The following FBXO21 variants were observed in gnomAD, a reference collection of about 807,000 sequenced individuals.
The protein encoded by FBXO21 is F-box protein 21.
In FBXO21, 32 loss-of-function variants were observed where a neutral mutation model predicts 76.6. The observed-to-expected ratio is 0.42, with a 90% CI of 0.32 to 0.56. The LOEUF (loss-of-function observed/expected upper bound fraction) is 0.56. Ranked by LOEUF, FBXO21 falls within the 20% of genes least tolerant of loss-of-function variation. The probability of loss-of-function intolerance (pLI) is 0.16; values close to 1 mark genes in which losing one functional copy is unlikely to be tolerated. For missense variants in FBXO21, 586 were observed against 797.3 expected, an observed-to-expected ratio of 0.73 and a Z score of 3.19; for synonymous variants, 328 against 311.5, an observed-to-expected ratio of 1.05 and a Z score of -0.56.
intron 2 of FBXO21, among the ~76,000 whole-genome samples, chr12:117,188,329 G>A (rs767669176): frequency 5.9e-5 from 9 of 152,180 alleles, no homozygotes; most frequent in Non-Finnish European, 1.3e-4. Flanking sequence ...CGGATCACTT[G>A]AGACCAGGTG....
Position 117,177,646 on chromosome 12 carries a change from A to G in FBXO21, c.471-5T>C. 1 of 1,611,850 alleles carries G rather than the reference A, an allele frequency of 6.2e-7. No individual in the cohort carries two copies. The highest frequency in any genetic ancestry group is 1.1e-5 in the South Asian group (1 of 90,658). On this transcript the variant is annotated splice_polypyrimidine_tract_variant and splice_region_variant and intron_variant, in intron 3 of 11. Transcript: ENST00000622495. The stretch of plus-strand genomic sequence containing the variant: ...TATTTCCAGGTCAAAGCTTTTCTGG[A>G]AACAAAAAGTCAGTAAGAATTAAGA...
chr12:117,177,669 A>C (rs1182451232), intron 3 of FBXO21, 28 bp from the exon 4 acceptor site: 1 of 1,605,118 alleles, frequency 6.2e-7, no homozygotes, highest in Non-Finnish European at 8.5e-7. Flanking sequence ...GTAAGAATTA[A>C]GATTTGAAAA....
intron 10 of FBXO21, among the ~76,000 whole-genome samples, chr12:117,156,491 T>C (rs1955916975): frequency 6.6e-6 from 1 of 152,168 alleles, no homozygotes; most frequent in Non-Finnish European, 1.5e-5. Flanking sequence ...TTTCTAGATG[T>C]GATAATAAGA....
intron 9 of FBXO21, 74 bp from the exon 10 acceptor site, chr12:117,158,137 A>G: frequency 3.9e-6 from 6 of 1,546,684 alleles, no homozygotes; most frequent in Non-Finnish European, 5.3e-6. Flanking sequence ...CGAGGGATTT[A>G]GACCTACCTA....
At chr12:117,162,315 G>C (rs1277240376) in intron 9 of FBXO21, among the ~76,000 whole-genome samples, 1 of 152,212 alleles carries the variant, frequency 6.6e-6, no homozygotes, top group Admixed American at 6.5e-5. Context: ...TCTGGCCTTG[G>C]CCCACTGTAC....
At position 117,190,410 on chromosome 12, in the gene FBXO21, A is replaced by G. The variant is rs1187063621; in HGVS notation, c.47T>C (p.Leu16Pro). The G allele has an allele frequency of 1.3e-6, 2 of 1,486,616 alleles. No individual in the cohort carries two copies. Among genetic ancestry groups the G allele is most frequent in the Middle Eastern group, 1.8e-4 (1 of 5,586 alleles). The allele number at this position is 1,486,616 out of a possible 1,614,324, so 92.1% of individuals were successfully genotyped here. A position where few individuals can be genotyped will look rare whatever the true frequency, so the allele number is the denominator to read the frequency against. ...VDSAMEVVPA[L>P]AEEAAPEVAG... ...TACCTCCGGCGCGGCCTCCTCCGCC[A>G]GCGCCGGCACCACCTCCATCGCGCT... The change falls in exon 1 of 12, where the codon CTG becomes CCG. Residue 16 changes from leucine (L) to proline (P), a missense_variant. By Grantham distance (98) the Leu-to-Pro change is moderately conservative (BLOSUM62 -3). Transcript: ENST00000622495.
chr12:117,183,689 G>A (rs113840312), intron 3 of FBXO21, among the ~76,000 whole-genome samples: 2 of 152,274 alleles, frequency 1.3e-5, no homozygotes, highest in African/African-American at 2.4e-5. Flanking sequence ...TACTGACTTC[G>A]TTCATGCTCT....
At chr12:117,152,572 A>G (rs1362728981) in intron 11 of FBXO21, among the ~76,000 whole-genome samples, 1 of 151,424 alleles carries the variant, frequency 6.6e-6, no homozygotes, top group Non-Finnish European at 1.5e-5. Context: ...CTTTAATAAG[A>G]GAGACTAAAG....
At chr12:117,173,789 A>G (rs1178824726) in intron 6 of FBXO21, among the ~76,000 whole-genome samples, 2 of 152,202 alleles carry the variant, frequency 1.3e-5, no homozygotes, top group African/African-American at 4.8e-5. Context: ...TCGAGCACTC[A>G]GAGATGGAAG....
rs1955759501 is a variant in FBXO21 at position 117,145,466 on chromosome 12, AAAGAT to A, written c.*616_*620del. The A allele has an allele frequency of 6.6e-6, 1 of 152,174 alleles. No individual in the cohort carries two copies. The highest frequency in any genetic ancestry group is 2.4e-5 in the African/African-American group (1 of 41,444). 9.4% of individuals were successfully genotyped at this position (152,174 alleles called of 1,614,324 possible). ...ATATTCCCATTTAAATTTAAAAAAAAAAGATAAAACACTTGAAATCTGTGTTTCAC... is the reference window on the plus strand; with the variant it reads ...ATATTCCCATTTAAATTTAAAAAAAAAAAACACTTGAAATCTGTGTTTCAC... On this transcript the variant is annotated 3_prime_UTR_variant, in exon 12 of 12. Transcript: ENST00000622495.
At position 117,190,367 on chromosome 12, in the gene FBXO21, G is replaced by C. The variant is rs749981737; in HGVS notation, c.90C>G (p.Leu30=). The C allele has an allele frequency of 2.6e-6, 4 of 1,522,146 alleles. No homozygotes were observed. The highest frequency in any genetic ancestry group is 2.6e-6 in the Non-Finnish European group (3 of 1,144,240). The allele number at this position is 1,522,146 out of a possible 1,614,324, so 94.3% of individuals were successfully genotyped here. A position where few individuals can be genotyped will look rare whatever the true frequency, so the allele number is the denominator to read the frequency against. Residue 30 remains leucine (L), a synonymous_variant, in exon 1 of 12, where the codon CTC becomes CTG. Coordinates refer to ENST00000622495, the MANE Select transcript of FBXO21 (RefSeq NM_015002.3). ...CCAGCACCTCACCCGGCAGGTTGACGAGGCAGCTGAGGCCCGCTACCTCCG... is the reference window on the plus strand; with the variant it reads ...CCAGCACCTCACCCGGCAGGTTGACCAGGCAGCTGAGGCCCGCTACCTCCG... The part of the protein sequence containing the change: ...AAPEVAGLSC[L]VNLPGEVLEY...
At position 117,177,676 on chromosome 12, in the gene FBXO21, A is replaced by C. The variant is rs778116088; in HGVS notation, c.471-35T>G. The stretch of plus-strand genomic sequence containing the variant: ...AAAAGTCAGTAAGAATTAAGATTTG[A>C]AAACTTTCAGTTATCTATTTTTCAC... On this transcript the variant is annotated intron_variant, in intron 3 of 11. Coordinates refer to ENST00000622495, the MANE Select transcript of FBXO21 (RefSeq NM_015002.3). 1.9e-6 allele frequency: 3 copies of C among 1,600,764 alleles called. No individual in the cohort carries two copies. The East Asian group carries it at 6.7e-5, about 36-fold the overall frequency.
chr12:117,163,738 T>A (rs1956013564), intron 9 of FBXO21, among the ~76,000 whole-genome samples: 1 of 148,928 alleles, frequency 6.7e-6, no homozygotes, highest in Non-Finnish European at 1.5e-5. Context: ...AGGTCAGGAG[T>A]TCGAGAACAG....
At chr12:117,180,791 A>G (rs1490304763) in intron 3 of FBXO21, among the ~76,000 whole-genome samples, 2 of 145,328 alleles carry the variant, frequency 1.4e-5, no homozygotes, top group Non-Finnish European at 3.0e-5. Flanking sequence ...CACCAAGCTA[A>G]TTTTTTTTTT....
chr12:117,153,443 G>A (rs1281882184), intron 11 of FBXO21, among the ~76,000 whole-genome samples: 1 of 152,214 alleles, frequency 6.6e-6, no homozygotes, highest in African/African-American at 2.4e-5. Context: ...ATGTTGGAGA[G>A]AAGACCCCTG....
rs1555239212 is a variant in FBXO21 at position 117,150,871 on chromosome 12, C to CTCTG, written c.1676-4595_1676-4594insCAGA. 5.5e-5 allele frequency among the ~76,000 whole-genome samples: 7 copies of CTCTG among 127,714 alleles called. No individual in the cohort carries two copies. In the East Asian group the frequency reaches 1.5e-3, roughly 27 times the overall value. The allele number at this position is 127,714 out of a possible 152,430, so 83.8% of individuals were successfully genotyped here. On this transcript the variant is annotated intron_variant, in intron 11 of 11. Coordinates refer to ENST00000622495, the MANE Select transcript of FBXO21 (RefSeq NM_015002.3). ...GCCAGCAGGTACAGCTGGCCATGGA[C>CTCTG]TGTGTGTGTGTGTGTGTGTGTGTGT... is the stretch of plus-strand genomic sequence containing the variant.
intron 9 of FBXO21, among the ~76,000 whole-genome samples, chr12:117,159,160 T>C (rs190074148): frequency 6.0e-4 from 91 of 152,328 alleles, no homozygotes; most frequent in African/African-American, 1.9e-3. Flanking sequence ...TTATCTTGCC[T>C]TTCAGACTGC....
intron 9 of FBXO21, 44 bp downstream of exon 9, chr12:117,165,437 GACTT>G: frequency 6.3e-7 from 1 of 1,579,546 alleles, no homozygotes; most frequent in Non-Finnish European, 8.6e-7. Flanking sequence ...TTCAATCTAG[GACTT>G]CCCTTTCTAA....
At chr12:117,179,032 A>G (rs11834717) in intron 3 of FBXO21, among the ~76,000 whole-genome samples, 183 of 152,302 alleles carry the variant, frequency 1.2e-3, no homozygotes, top group African/African-American at 4.2e-3. Flanking sequence ...ACATATGGGG[A>G]TTATAAGAAG....
Sources: allele counts gnomAD v4.1 joint callset (sites outside exome capture counted in the v4.1 genomes callset), GRCh38; gene constraint gnomAD v4.1.1; transcripts MANE v1.5; gene names NCBI Gene and HGNC (gene_info 2026-07-23, HGNC 2026-07-21).